Variants in ANK2 observed in about 807,000 individuals in gnomAD.
ANK2 encodes ankyrin-2.
ANK2 carries 83 observed loss-of-function variants against 360.5 expected under a neutral mutation model. The ratio of observed to expected loss-of-function variants is 0.23; its 90% CI spans 0.19 to 0.28. ANK2 has a LOEUF of 0.28. Ranked by LOEUF, ANK2 falls within the 10% of genes least tolerant of loss-of-function variation. The probability of loss-of-function intolerance (pLI) is 1.00; values close to 1 mark genes in which losing one functional copy is unlikely to be tolerated. For missense variants in ANK2, 4,201 were observed against 4,795.7 expected (o/e 0.88, Z 3.66); for synonymous variants, 1,740 against 1,759.5 (o/e 0.99, Z 0.28).
chr4:113,372,033 G>A (rs768516010), intron 43 of ANK2, among the ~76,000 whole-genome samples: 9 of 152,072 alleles, frequency 5.9e-5, no homozygotes, highest in Non-Finnish European at 7.4e-5. Flanking sequence ...TTGATGCCAG[G>A]GAGATGCACT....
chr4:112,787,424 T>C, the ANK2 span, among the ~76,000 whole-genome samples: 1 of 152,198 alleles, frequency 6.6e-6, no homozygotes, highest in African/African-American at 2.4e-5. Context: ...ACTCAGATAA[T>C]TTTAAGATAA....
the ANK2 span, among the ~76,000 whole-genome samples, chr4:112,746,828 T>G: frequency 6.6e-6 from 1 of 152,252 alleles, no homozygotes; most frequent in Non-Finnish European, 1.5e-5. Context: ...TTAAAATTAT[T>G]CCTTGACATA....
At chr4:112,970,066 C>G (rs759381053) in intron 2 of ANK2, among the ~76,000 whole-genome samples, 1 of 151,906 alleles carries the variant, frequency 6.6e-6, no homozygotes, top group Admixed American at 6.6e-5. Context: ...TCACTGCAAC[C>G]GCCGCCTCCC....
chr4:112,867,135 T>G (rs1380997886), intron 1 of ANK2, among the ~76,000 whole-genome samples: 2 of 151,998 alleles, frequency 1.3e-5, no homozygotes, highest in Non-Finnish European at 2.9e-5. Context: ...TTTTTTTTCC[T>G]TGAACTCTAC....
intron 2 of ANK2, among the ~76,000 whole-genome samples, chr4:112,925,447 G>C (rs900512119): frequency 6.6e-6 from 1 of 151,868 alleles, no homozygotes; most frequent in Non-Finnish European, 1.5e-5. Context: ...TTTTACTATT[G>C]ATACAAAAGA....
At chr4:113,289,740 A>G (rs536124652) in intron 20 of ANK2, among the ~76,000 whole-genome samples, 1 of 152,336 alleles carries the variant, frequency 6.6e-6, no homozygotes, top group East Asian at 1.9e-4. Flanking sequence ...AATACTATTA[A>G]CATTTAAGAT....
At chr4:113,256,289 G>A (rs556100753) in intron 11 of ANK2, among the ~76,000 whole-genome samples, 3 of 152,134 alleles carry the variant, frequency 2.0e-5, no homozygotes, top group Non-Finnish European at 4.4e-5. Context: ...GTTAGAACAC[G>A]AGTATGAAAA....
intron 1 of ANK2, among the ~76,000 whole-genome samples, chr4:112,855,709 G>A (rs2066221753): frequency 6.6e-6 from 1 of 152,140 alleles, no homozygotes; most frequent in African/African-American, 2.4e-5. Context: ...AAGGTTAAGT[G>A]ACTTATCCAA....
chr4:112,782,251 G>C, the ANK2 span, among the ~76,000 whole-genome samples: 1 of 152,104 alleles, frequency 6.6e-6, no homozygotes, highest in African/African-American at 2.4e-5. Context: ...GAATAGAAGT[G>C]AAACGCTGGC....
At chr4:112,721,541 C>CAAAAA in the ANK2 span, among the ~76,000 whole-genome samples, 2 of 46,890 alleles carry the variant, frequency 4.3e-5, no homozygotes, top group African/African-American at 9.7e-5. Context: ...GACCCCATCT[C>CAAAAA]AAAAAAAAAA....
At chr4:113,315,589 T>G (rs1329636662) in intron 24 of ANK2, among the ~76,000 whole-genome samples, 1 of 151,902 alleles carries the variant, frequency 6.6e-6, no homozygotes. Context: ...AAAATAAAGG[T>G]GAATAGAATT....
intron 2 of ANK2, among the ~76,000 whole-genome samples, chr4:113,010,033 C>A (rs1394608201): frequency 6.6e-6 from 1 of 151,984 alleles, no homozygotes; most frequent in African/African-American, 2.4e-5. Flanking sequence ...ATAATCCTCA[C>A]ATGGCAAAAG....
intron 1 of ANK2, among the ~76,000 whole-genome samples, chr4:113,138,413 C>T (rs1028689983): frequency 5.3e-5 from 8 of 152,114 alleles, no homozygotes; most frequent in Non-Finnish European, 1.2e-4. Flanking sequence ...TTCTGTGTTT[C>T]AACACAGTAC....
intron 1 of ANK2, among the ~76,000 whole-genome samples, chr4:112,840,988 A>G (rs943936417): frequency 6.6e-6 from 1 of 152,226 alleles, no homozygotes; most frequent in African/African-American, 2.4e-5. Flanking sequence ...GCTTTTCACC[A>G]AAATAATACT....
intron 4 of ANK2, among the ~76,000 whole-genome samples, chr4:113,229,121 G>A (rs1383960206): frequency 6.6e-6 from 1 of 152,224 alleles, no homozygotes; most frequent in African/African-American, 2.4e-5. Context: ...AACTTGAAAG[G>A]TGTGTATTAC....
At chr4:113,208,168 T>C (rs554826688) in intron 4 of ANK2, among the ~76,000 whole-genome samples, 1 of 152,122 alleles carries the variant, frequency 6.6e-6, no homozygotes, top group South Asian at 2.1e-4. Flanking sequence ...GATTCTGTTT[T>C]GGATTCTGAA....
chr4:113,206,609 GGCC>G (rs756752698), intron 4 of ANK2, among the ~76,000 whole-genome samples: 4 of 151,914 alleles, frequency 2.6e-5, no homozygotes, highest in Non-Finnish European at 5.9e-5. Flanking sequence ...CTGAAAATCA[GGCC>G]ACTGGGTGAT....
chr4:112,827,332 G>A, intron 1 of ANK2: 3 of 1,199,470 alleles, frequency 2.5e-6, no homozygotes, highest in Non-Finnish European at 3.7e-6. Flanking sequence ...GAAAGCCAAT[G>A]AGTTACAGCA....
At chr4:113,224,366 C>G (rs1334096123) in intron 4 of ANK2, among the ~76,000 whole-genome samples, 3 of 152,168 alleles carry the variant, frequency 2.0e-5, no homozygotes, top group African/African-American at 4.8e-5. Context: ...TAAAGCCTCT[C>G]AGAGAGAGTA....
Sources: gnomAD v4.1 joint callset for allele counts (sites outside exome capture counted in the v4.1 genomes callset) on GRCh38, gnomAD v4.1.1 for gene constraint, MANE v1.5 for transcripts, NCBI Gene and HGNC (gene_info 2026-07-23, HGNC 2026-07-21) for gene names.